The following CPA6 variants were observed in gnomAD, a reference collection of about 807,000 sequenced individuals.
CPA6 encodes carboxypeptidase A6, also known as carboxypeptidase B.
CPA6 carries 58 observed loss-of-function variants against 63.3 expected under a neutral mutation model. The ratio of observed to expected loss-of-function variants is 0.92; its 90% confidence interval spans 0.74 to 1.14. The LOEUF (loss-of-function observed/expected upper bound fraction) is 1.14. CPA6 is among the 50% of genes most tolerant of loss of function. The probability of loss-of-function intolerance (pLI) is 0.00; values close to 1 mark genes in which losing one functional copy is unlikely to be tolerated. For synonymous variants in CPA6, 185 were observed against 179.0 expected (o/e 1.03, Z -0.27); for missense variants, 565 against 526.6 (o/e 1.07, Z -0.71).
intron 2 of CPA6, among the ~76,000 whole-genome samples, chr8:67,541,403 A>G (rs1812700645): frequency 6.6e-6 from 1 of 152,172 alleles, no homozygotes; most frequent in Non-Finnish European, 1.5e-5. Context: ...TGGGCCTGGT[A>G]GTTAAAGATC....
At chr8:67,499,536 T>C (rs1811790860) in intron 6 of CPA6, among the ~76,000 whole-genome samples, 1 of 152,198 alleles carries the variant, frequency 6.6e-6, no homozygotes, top group African/African-American at 2.4e-5. Flanking sequence ...TGCCAAACTG[T>C]AGTATAATAT....
chr8:67,632,218 T>C (rs1159526201), intron 1 of CPA6, among the ~76,000 whole-genome samples: 1 of 151,904 alleles, frequency 6.6e-6, no homozygotes, highest in Non-Finnish European at 1.5e-5. Context: ...TCATGCAGGC[T>C]GGAGTGCAGG....
chr8:67,500,681 T>C (rs2128963723), intron 6 of CPA6, among the ~76,000 whole-genome samples: 1 of 151,990 alleles, frequency 6.6e-6, no homozygotes, highest in Non-Finnish European at 1.5e-5. Context: ...ACATTTTACA[T>C]TTAAATTCAT....
In CPA6 at chr8:67,422,262, A is replaced by G. The variant is rs527673781; in HGVS notation, c.*242T>C. The G allele has an allele frequency of 2.3e-3, 830 of 361,656 alleles. 9 individuals are homozygous for G. The highest frequency in any genetic ancestry group is 0.016 in the African/African-American group (757 of 48,800). 22.4% of individuals were successfully genotyped at this position (361,656 alleles called of 1,614,324 possible). ...GGGAAATTTGAAAACATTCCCTCCCACCATAATCAAATAAGACTCTAAAAG... is the reference window on the plus strand; with the variant it reads ...GGGAAATTTGAAAACATTCCCTCCCGCCATAATCAAATAAGACTCTAAAAG... On this transcript the variant is annotated 3_prime_UTR_variant, in exon 11 of 11. Transcript: ENST00000297770.
intron 1 of CPA6, among the ~76,000 whole-genome samples, chr8:67,714,321 G>C (rs1384661791): frequency 6.6e-6 from 1 of 152,206 alleles, no homozygotes; most frequent in Non-Finnish European, 1.5e-5. Context: ...GAGGAGAAAT[G>C]AGAAGGGTGG....
rs532686695 is a variant in CPA6 at position 67,710,428 on chromosome 8, A to T, written c.116+35586T>A. 5.2e-3 allele frequency among the ~76,000 whole-genome samples: 249 copies of T among 47,838 alleles called. 1 individual carries two copies. Among genetic ancestry groups the T allele is most frequent in the South Asian group, 0.032 (45 of 1,418 alleles). The allele number at this position is 47,838 out of a possible 152,430, so 31.4% of individuals were successfully genotyped here. ...ACCCCCCCCCAACCCCCCACCCCGA[A>T]AGATGGCTTTGCAGGGCCATTTCAA... On this transcript the variant is annotated intron_variant, in intron 1 of 10. Coordinates refer to ENST00000297770, the MANE Select transcript of CPA6 (RefSeq NM_020361.5).
intron 1 of CPA6, among the ~76,000 whole-genome samples, chr8:67,638,045 T>C (rs1815511194): frequency 6.6e-6 from 1 of 150,950 alleles, no homozygotes; most frequent in South Asian, 2.1e-4. Flanking sequence ...GGTATATCAC[T>C]TAATATACAA....
chr8:67,438,709 TG>T (rs970574887), intron 8 of CPA6, among the ~76,000 whole-genome samples: 5 of 151,528 alleles, frequency 3.3e-5, no homozygotes, highest in East Asian at 3.9e-4. Flanking sequence ...ATATCCAAAG[TG>T]GGGGGGCGAA....
chr8:67,571,440 T>A (rs1459284662), intron 2 of CPA6, among the ~76,000 whole-genome samples: 2 of 152,222 alleles, frequency 1.3e-5, no homozygotes, highest in Admixed American at 1.3e-4. Flanking sequence ...CTAGGGTAGA[T>A]CATTTGTTAG....
intron 1 of CPA6, among the ~76,000 whole-genome samples, chr8:67,709,995 C>T (rs554008750): frequency 2.0e-5 from 3 of 151,996 alleles, no homozygotes; most frequent in Non-Finnish European, 4.4e-5. Context: ...TGCCTGTAAT[C>T]CCAGCTACTC....
intron 2 of CPA6, among the ~76,000 whole-genome samples, chr8:67,607,250 T>C (rs904745519): frequency 1.1e-4 from 14 of 131,942 alleles, no homozygotes; most frequent in South Asian, 2.5e-4. Context: ...CTTCTTCTTC[T>C]TCTCCTCCTC....
At chr8:67,423,312 T>TG (rs1050241022) in intron 10 of CPA6, among the ~76,000 whole-genome samples, 216 of 152,362 alleles carry the variant, frequency 1.4e-3, no homozygotes, top group African/African-American at 5.1e-3. Context: ...CTTGAACTCC[T>TG]GGGCTCAACT....
intron 10 of CPA6, among the ~76,000 whole-genome samples, chr8:67,426,117 T>A (rs1809877595): frequency 6.6e-6 from 1 of 152,114 alleles, no homozygotes; most frequent in East Asian, 1.9e-4. Context: ...TACAGGTGCA[T>A]GCCACTATGC....
intron 1 of CPA6, among the ~76,000 whole-genome samples, chr8:67,688,677 A>G (rs749425220): frequency 1.3e-5 from 2 of 152,298 alleles, no homozygotes; most frequent in Non-Finnish European, 1.5e-5. Flanking sequence ...ATTTTTCATG[A>G]CATTGTACAC....
chr8:67,678,909 T>C (rs181578991), intron 1 of CPA6, among the ~76,000 whole-genome samples: 2 of 152,218 alleles, frequency 1.3e-5, no homozygotes, highest in Non-Finnish European at 2.9e-5. Flanking sequence ...CTACAAGTCA[T>C]AGGCATATGT....
In CPA6 at chr8:67,639,476, G is replaced by A. The variant is rs796539182; in HGVS notation, c.117-15225C>T. Among the ~76,000 whole-genome samples the A allele has an allele frequency of 2.4e-4, 37 of 151,804 alleles. 3 individuals carry two copies. The highest frequency in any genetic ancestry group is 9.0e-4 in the African/African-American group (37 of 41,060). ...GACTGTGCTGGGCCAGGCAGCTGCA[G>A]ATGCTGGTATGGGCACCAGCTCCCT... is the stretch of plus-strand genomic sequence containing the variant. On this transcript the variant is annotated intron_variant, in intron 1 of 10. Coordinates refer to ENST00000297770, the MANE Select transcript of CPA6 (RefSeq NM_020361.5).
chr8:67,695,977 A>T (rs1816906023), intron 1 of CPA6, among the ~76,000 whole-genome samples: 1 of 152,134 alleles, frequency 6.6e-6, no homozygotes, highest in Non-Finnish European at 1.5e-5. Context: ...AGAAGATAAC[A>T]ATAATTCTGT....
chr8:67,458,323 G>A (rs542755788), intron 8 of CPA6, among the ~76,000 whole-genome samples: 7 of 152,036 alleles, frequency 4.6e-5, no homozygotes, highest in Non-Finnish European at 8.8e-5. Flanking sequence ...CACCCTCCCT[G>A]AGTAGCTGGA....
intron 9 of CPA6, among the ~76,000 whole-genome samples, chr8:67,433,340 C>T (rs1057265390): frequency 2.0e-5 from 3 of 152,174 alleles, no homozygotes; most frequent in African/African-American, 4.8e-5. Flanking sequence ...CTTTTAGATG[C>T]TATAGGCTCT....
Sources: gnomAD v4.1 joint callset for allele counts (sites outside exome capture counted in the v4.1 genomes callset) on GRCh38, gnomAD v4.1.1 for gene constraint, MANE v1.5 for transcripts, NCBI Gene and HGNC (gene_info 2026-07-23, HGNC 2026-07-21) for gene names.